Variants in KCTD18 observed in about 807,000 individuals in gnomAD.
KCTD18 encodes the protein BTB/POZ domain-containing protein KCTD18.
In KCTD18, 22 loss-of-function variants were observed where a neutral mutation model predicts 30.4. The ratio of observed to expected loss-of-function variants is 0.72; its 90% CI spans 0.52 to 1.03. KCTD18 has a LOEUF of 1.03. KCTD18 is among the 50% of genes least tolerant of loss of function. The probability of loss-of-function intolerance (pLI) is 0.00; values close to 1 mark genes in which losing one functional copy is unlikely to be tolerated. For missense variants in KCTD18, 529 were observed against 547.6 expected, an observed-to-expected ratio of 0.97 and a Z score of 0.34; for synonymous variants, 186 against 209.0, an observed-to-expected ratio of 0.89 and a Z score of 0.95.
intron 3 of KCTD18, among the ~76,000 whole-genome samples, chr2:200,500,503 C>T (rs1014647127): frequency 6.6e-6 from 1 of 151,692 alleles, no homozygotes; most frequent in Non-Finnish European, 1.5e-5. Context: ...AAACAGAGAG[C>T]CAAATCATGA....
chr2:200,504,048 C>T (rs912890441), intron 3 of KCTD18, among the ~76,000 whole-genome samples: 3 of 152,156 alleles, frequency 2.0e-5, no homozygotes, highest in African/African-American at 4.8e-5. Context: ...CAAACTACTA[C>T]ACTTACTAAA....
rs953888819 is a variant in KCTD18, at chr2:200,507,072, A to T, written c.-56T>A. Reference sequence around the variant, plus strand: ...CCAACACTTTCAGAAACTTCAAAACAATGATGTCTTGGTCTCCCTCTGTAA... The same window carrying T: ...CCAACACTTTCAGAAACTTCAAAACTATGATGTCTTGGTCTCCCTCTGTAA... On this transcript the variant is annotated 5_prime_UTR_variant, in exon 2 of 7. The change creates a premature stop within an existing upstream ORF in the 5' untranslated region. Transcript: ENST00000359878. The T allele has an allele frequency of 3.1e-5, 45 of 1,460,384 alleles. No individual in the cohort carries two copies. The highest frequency in any genetic ancestry group is 4.1e-5 in the Non-Finnish European group (44 of 1,062,572). The allele number at this position is 1,460,384 out of a possible 1,614,324, so 90.5% of individuals were successfully genotyped here. A position where few individuals can be genotyped will look rare whatever the true frequency, so the allele number is the denominator to read the frequency against.
chr2:200,494,486 T>C (rs1321293649), intron 5 of KCTD18, among the ~76,000 whole-genome samples: 1 of 152,214 alleles, frequency 6.6e-6, no homozygotes. Context: ...GTCTTCTTAT[T>C]AAACTTCTGG....
chr2:200,490,073 C>T lies in KCTD18; in HGVS notation c.*27G>A, dbSNP rs766767220. 1.9e-5 allele frequency: 29 copies of T among 1,533,328 alleles called. 1 individual carries two copies. The East Asian group carries it at 4.3e-4, about 23-fold the overall frequency. 95.0% of individuals were successfully genotyped at this position (1,533,328 alleles called of 1,614,324 possible). A position where few individuals can be genotyped will look rare whatever the true frequency, so the allele number is the denominator to read the frequency against. On this transcript the variant is annotated 3_prime_UTR_variant, in exon 7 of 7. Coordinates refer to ENST00000359878, the MANE Select transcript of KCTD18 (RefSeq NM_152387.4). ...TGGGTTGAAAGCTTTGGGAGATGAA[C>T]GGGAAATTTCAAGTCCACCACTTTC... is the stretch of plus-strand genomic sequence containing the variant.
chr2:200,508,822 T>C (rs2106286921), intron 1 of KCTD18, among the ~76,000 whole-genome samples: 1 of 152,282 alleles, frequency 6.6e-6, no homozygotes, highest in South Asian at 2.1e-4. Context: ...GAGCCACCTC[T>C]GAGGCATGGG....
intron 6 of KCTD18, among the ~76,000 whole-genome samples, chr2:200,491,357 C>A (rs1342682339): frequency 6.6e-6 from 1 of 152,318 alleles, no homozygotes; most frequent in East Asian, 1.9e-4. Context: ...GACTGCAGAA[C>A]CATGAGTCAA....
At position 200,507,044 on chromosome 2, in the gene KCTD18, C is replaced by T; in HGVS notation, c.-28G>A. On this transcript the variant is annotated 5_prime_UTR_variant, in exon 2 of 7. Transcript: ENST00000359878. ...CTCCCCCAGGCACCTGAATTTTTGC[C>T]GCCCAACACTTTCAGAAACTTCAAA... The T allele has an allele frequency of 6.3e-7, 1 of 1,582,814 alleles. No homozygotes were observed.
chr2:200,506,767 G>C, intron 2 of KCTD18, 90 bp downstream of exon 2: 1 of 1,169,352 alleles, frequency 8.6e-7, no homozygotes, highest in South Asian at 1.3e-5. Context: ...TAGTCATCTA[G>C]TACATTTCGC....
intron 2 of KCTD18, among the ~76,000 whole-genome samples, chr2:200,506,586 T>C (rs1422063885): frequency 1.3e-5 from 2 of 152,228 alleles, no homozygotes; most frequent in Non-Finnish European, 2.9e-5. Flanking sequence ...TGCATGAAAG[T>C]AACAAGTTTC....
chr2:200,506,991 T>A lies in KCTD18; in HGVS notation c.26A>T (p.Glu9Val). 6.2e-7 allele frequency: 1 copy of A among 1,611,994 alleles called. No individual in the cohort carries two copies. The highest frequency in any genetic ancestry group is 8.5e-7 in the Non-Finnish European group (1 of 1,178,606). MEGHKAEEEVLDVLRLNVG... is the reference protein window; with the variant it reads MEGHKAEEVVLDVLRLNVG... ...GTTCAGTCGGAGAACATCTAGCACC[T>A]CTTCTTCTGCCTTGTGGCCTTCCAT... The change falls in exon 2 of 7, where the codon GAG (glutamate) becomes GTG (valine). Residue 9 changes from glutamate (E) to valine (V), a missense_variant. Physicochemically the swap from Glu to Val is moderately radical, Grantham distance 121. Coordinates refer to ENST00000359878, the MANE Select transcript of KCTD18 (RefSeq NM_152387.4).
At chr2:200,494,971 T>C (rs1010898899) in intron 5 of KCTD18, among the ~76,000 whole-genome samples, 1 of 152,256 alleles carries the variant, frequency 6.6e-6, no homozygotes, top group Non-Finnish European at 1.5e-5. Context: ...TGTTGCTGTA[T>C]GTAGCAATGA....
In KCTD18 at chr2:200,507,056, T is replaced by C. The variant is rs183946348; in HGVS notation, c.-40A>G. 600 of 1,540,686 alleles carry C rather than the reference T, an allele frequency of 3.9e-4. 2 individuals are homozygous for C. The African/African-American group carries it at 7.5e-3, about 19-fold the overall frequency. ...CCTGAATTTTTGCCGCCCAACACTTTCAGAAACTTCAAAACAATGATGTCT... is the reference window on the plus strand; with the variant it reads ...CCTGAATTTTTGCCGCCCAACACTTCCAGAAACTTCAAAACAATGATGTCT... On this transcript the variant is annotated 5_prime_UTR_variant, in exon 2 of 7. Transcript: ENST00000359878.
intron 2 of KCTD18, 33 bp from the exon 3 acceptor site, chr2:200,504,992 A>C: frequency 6.5e-7 from 1 of 1,537,830 alleles, no homozygotes; most frequent in Non-Finnish European, 9.0e-7. Context: ...ATGATTATAG[A>C]GATTCTGTCG....
chr2:200,489,149 A>G lies in KCTD18; in HGVS notation c.*951T>C, dbSNP rs941978794. 1 of 152,652 alleles carries G rather than the reference A, an allele frequency of 6.6e-6. No homozygotes were observed. Among genetic ancestry groups the G allele is most frequent in the Non-Finnish European group, 1.5e-5 (1 of 68,034 alleles). 9.5% of individuals were successfully genotyped at this position (152,652 alleles called of 1,614,324 possible). ...GAAATATGTGATCCAATTACAAAAC[A>G]TAACATTTACGAATAAACACACACA... On this transcript the variant is annotated 3_prime_UTR_variant, in exon 7 of 7. Transcript: ENST00000359878.
chr2:200,507,401 T>C (rs2030261909), intron 1 of KCTD18, among the ~76,000 whole-genome samples: 2 of 152,228 alleles, frequency 1.3e-5, no homozygotes, highest in African/African-American at 4.8e-5. Context: ...TCTTCAGTAT[T>C]CACATATCTT....
intron 3 of KCTD18, among the ~76,000 whole-genome samples, chr2:200,501,218 G>A (rs962894550): frequency 6.6e-6 from 1 of 151,116 alleles, no homozygotes; most frequent in Non-Finnish European, 1.5e-5. Context: ...TCAGGACATA[G>A]GCATGGGCAA....
At chr2:200,506,822 T>C (rs1574810050) in intron 2 of KCTD18, 35 bp downstream of exon 2, 2 of 1,600,070 alleles carry the variant, frequency 1.2e-6, no homozygotes, top group East Asian at 4.5e-5. Context: ...TGTTAATAAA[T>C]ATTCAGATCA....
At chr2:200,491,234 T>C (rs1239945317) in intron 6 of KCTD18, among the ~76,000 whole-genome samples, 2 of 152,120 alleles carry the variant, frequency 1.3e-5, no homozygotes, top group Non-Finnish European at 2.9e-5. Context: ...AAGCCTGGCA[T>C]CTCTTGCTGT....
intron 3 of KCTD18, among the ~76,000 whole-genome samples, chr2:200,501,202 T>C (rs1167976451): frequency 1.3e-5 from 2 of 151,898 alleles, no homozygotes; most frequent in Non-Finnish European, 1.5e-5. Flanking sequence ...ACCTAGGTAT[T>C]ACCATTCAGG....
Sources: gnomAD v4.1 joint callset for allele counts (sites outside exome capture counted in the v4.1 genomes callset) on GRCh38, gnomAD v4.1.1 for gene constraint, MANE v1.5 for transcripts, NCBI Gene and HGNC (gene_info 2026-07-23, HGNC 2026-07-21) for gene names.